PCBP3: variants seen among roughly 807,000 people sequenced by gnomAD.
The protein encoded by PCBP3 is poly(rC)-binding protein 3.
Under a neutral mutation model 52.7 loss-of-function variants are expected in PCBP3, and 25 were observed. The observed-to-expected ratio is 0.47, with a 90% CI of 0.35 to 0.66. The LOEUF is 0.66. Among genes scored for constraint, PCBP3 ranks in the 30% least tolerant of loss-of-function variants. The probability of loss-of-function intolerance (pLI) is 0.01; values close to 1 mark genes in which losing one functional copy is unlikely to be tolerated. For missense variants in PCBP3, 391 were observed against 490.3 expected, an observed-to-expected ratio of 0.80 and a Z score of 1.91; for synonymous variants, 162 against 183.0, an observed-to-expected ratio of 0.89 and a Z score of 0.93.
At chr21:45,863,841 T>C (rs1603457148) in intron 5 of PCBP3, among the ~76,000 whole-genome samples, 1 of 152,062 alleles carries the variant, frequency 6.6e-6, no homozygotes, top group Admixed American at 6.5e-5. Flanking sequence ...TCCCAGGCAA[T>C]GTGGCAGGCA....
chr21:45,790,027 C>CTACG (rs2091434345), intron 4 of PCBP3, among the ~76,000 whole-genome samples: 1 of 152,200 alleles, frequency 6.6e-6, no homozygotes, highest in African/African-American at 2.4e-5. Flanking sequence ...GTAATCCCAG[C>CTACG]TACGCGGGAG....
chr21:45,860,765 T>C (rs1363750928), intron 5 of PCBP3, among the ~76,000 whole-genome samples: 2 of 152,244 alleles, frequency 1.3e-5, no homozygotes, highest in Non-Finnish European at 2.9e-5. Context: ...ACACACGTGA[T>C]GCAGCTGTGC....
intron 4 of PCBP3, among the ~76,000 whole-genome samples, chr21:45,826,151 G>A (rs1338722859): frequency 3.3e-5 from 5 of 152,036 alleles, no homozygotes; most frequent in South Asian, 2.1e-4. Flanking sequence ...CCAGCTACTC[G>A]GGAGGCTGAG....
intron 3 of PCBP3, among the ~76,000 whole-genome samples, chr21:45,738,411 C>A (rs1034917877): frequency 1.3e-5 from 2 of 151,910 alleles, no homozygotes; most frequent in Non-Finnish European, 2.9e-5. Context: ...CCCGCCACCA[C>A]GCCCAGCTAA....
At chr21:45,727,529 A>G (rs1376635323) in intron 2 of PCBP3, among the ~76,000 whole-genome samples, 2 of 152,234 alleles carry the variant, frequency 1.3e-5, no homozygotes, top group Non-Finnish European at 2.9e-5. Flanking sequence ...CAAGGGGACA[A>G]TGTGGGCAGG....
At chr21:45,708,040 T>C (rs1173144717) in intron 2 of PCBP3, among the ~76,000 whole-genome samples, 1 of 152,230 alleles carries the variant, frequency 6.6e-6, no homozygotes, top group Non-Finnish European at 1.5e-5. Flanking sequence ...TTCTGCTTCA[T>C]CACTGAATAA....
intron 4 of PCBP3, among the ~76,000 whole-genome samples, chr21:45,780,070 GA>G (rs1186205413): frequency 1.3e-5 from 2 of 150,940 alleles, no homozygotes; most frequent in Non-Finnish European, 3.0e-5. Flanking sequence ...ATATCCATGT[GA>G]AAAAAAAATC....
At chr21:45,814,966 G>GGTGAGTGATGA (rs1569259668) in intron 4 of PCBP3, among the ~76,000 whole-genome samples, 1 of 129,630 alleles carries the variant, frequency 7.7e-6, no homozygotes, top group Non-Finnish European at 1.6e-5. Context: ...AGTGGTGAGT[G>GGTGAGTGATGA]GTGAGTGATG....
At chr21:45,923,027 G>T (rs1259409272) in intron 13 of PCBP3, among the ~76,000 whole-genome samples, 2 of 152,260 alleles carry the variant, frequency 1.3e-5, no homozygotes, top group Non-Finnish European at 2.9e-5. Flanking sequence ...TCCTGTGCTG[G>T]ATGCGGCCCT....
chr21:45,702,187 T>C (rs1323557687), intron 2 of PCBP3, among the ~76,000 whole-genome samples: 1 of 152,246 alleles, frequency 6.6e-6, no homozygotes, highest in East Asian at 1.9e-4. Context: ...ACACTATCAG[T>C]AAACTTGTAG....
rs146549520 is a variant in PCBP3 at position 45,660,227 on chromosome 21, T to G, written c.-278-8647T>G. Among the ~76,000 whole-genome samples the G allele has an allele frequency of 1.2e-3, 180 of 152,260 alleles. 1 individual carries two copies. The highest frequency in any genetic ancestry group is 0.01 in the Middle Eastern group (3 of 294). On this transcript the variant is annotated intron_variant, in intron 1 of 17. Transcript: ENST00000681687. ...CCTTTTTATAGTTATAAAATATTCT[T>G]TGTCTGTAATAACAATTTTTGTATT...
intron 1 of PCBP3, among the ~76,000 whole-genome samples, chr21:45,646,107 C>CTCTGTGTG (rs1555895746): frequency 0.02 from 1,644 of 83,774 alleles, 32 homozygotes; most frequent in Admixed American, 0.026. Context: ...CTCTCTCTCT[C>CTCTGTGTG]TGTGTGTGTG....
rs1279844421 is a variant in PCBP3, at chr21:45,914,000, C to T, written c.650C>T (p.Thr217Ile). ...TIPYRPKPAS[T>I]PVIFAGGQAY... ...CCCTACCGCCCAAAGCCCGCCTCCA[C>T]CCCTGTCATTTTTGCAGGTGGTCAG... Residue 217 changes from threonine (T) to isoleucine (I), a missense_variant, in exon 12 of 18, where the codon ACC becomes ATC. Thr to Ile is a moderately conservative substitution (Grantham distance 89, BLOSUM62 -1). Transcript: ENST00000681687. The T allele has an allele frequency of 1.9e-6, 3 of 1,613,698 alleles. No individual in the cohort carries two copies. The highest frequency in any genetic ancestry group is 1.7e-5 in the Admixed American group (1 of 59,992).
At chr21:45,916,936 G>A (rs2073544040) in intron 12 of PCBP3, 3 of 152,284 alleles carry the variant, frequency 2.0e-5, no homozygotes, top group Admixed American at 2.0e-4. Flanking sequence ...TGGGTGGGAA[G>A]AGGCTGCAGG....
chr21:45,742,048 G>A (rs1408913491), intron 3 of PCBP3, among the ~76,000 whole-genome samples: 1 of 152,228 alleles, frequency 6.6e-6, no homozygotes, highest in Non-Finnish European at 1.5e-5. Flanking sequence ...TTTTTAGAAG[G>A]TTGCATGGTT....
In PCBP3 at chr21:45,899,617, G is replaced by T; in HGVS notation, c.184G>T (p.Gly62Trp). The T allele has an allele frequency of 6.2e-7, 1 of 1,609,756 alleles. No individual in the cohort carries two copies. Among genetic ancestry groups the T allele is most frequent in the East Asian group, 2.2e-5 (1 of 44,864 alleles). Residue 62 changes from glycine to tryptophan, a missense_variant, in exon 7 of 18, where the codon GGG becomes TGG. Coordinates refer to ENST00000681687, the MANE Select transcript of PCBP3 (RefSeq NM_001384156.1). Reference sequence around the variant, plus strand: ...CTTGCAGGAAGTTGGAAGCATCATCGGGAAGGTAATTATTGATTGAATCTC... The same window carrying T: ...CTTGCAGGAAGTTGGAAGCATCATCTGGAAGGTAATTATTGATTGAATCTC... ...MHGKEVGSII[G>W]KKGETVKKMR...
At chr21:45,941,115 C>G (rs948728124) in intron 17 of PCBP3, among the ~76,000 whole-genome samples, 1 of 150,274 alleles carries the variant, frequency 6.7e-6, no homozygotes, top group Non-Finnish European at 1.5e-5. Flanking sequence ...GGGCTTCTGC[C>G]TCGATCCAGA....
intron 4 of PCBP3, among the ~76,000 whole-genome samples, chr21:45,838,005 C>T (rs1484377659): frequency 6.6e-6 from 1 of 152,236 alleles, no homozygotes; most frequent in Non-Finnish European, 1.5e-5. Context: ...GCCTCATCCA[C>T]TAGGGCTGTT....
At chr21:45,894,410 C>T (rs184629168) in intron 5 of PCBP3, among the ~76,000 whole-genome samples, 33 of 152,274 alleles carry the variant, frequency 2.2e-4, no homozygotes, top group Admixed American at 1.0e-3. Context: ...CCAGCCACAC[C>T]GAGATGCAGT....
Sources: gnomAD v4.1 joint callset for allele counts (sites outside exome capture counted in the v4.1 genomes callset) on GRCh38, gnomAD v4.1.1 for gene constraint, MANE v1.5 for transcripts, NCBI Gene and HGNC (gene_info 2026-07-23, HGNC 2026-07-21) for gene names.